The following CACNB2 variants were observed in gnomAD, a reference collection of about 807,000 sequenced individuals.
CACNB2 encodes the protein calcium voltage-gated channel auxiliary subunit beta 2.
A neutral mutation model predicts 73.3 loss-of-function variants in CACNB2; 42 were observed. The observed-to-expected ratio is 0.57, with a 90% confidence interval of 0.45 to 0.74. CACNB2 has a LOEUF of 0.74. Among genes scored for constraint, CACNB2 ranks in the 30% least tolerant of loss-of-function variants. CACNB2 has a pLI of 0.00. For missense variants in CACNB2, 940 were observed against 853.0 expected, an observed-to-expected ratio of 1.10 and a Z score of -1.27; for synonymous variants, 348 against 310.3, an observed-to-expected ratio of 1.12 and a Z score of -1.28.
At chr10:18,220,771 C>T (rs941056743) in intron 2 of CACNB2, among the ~76,000 whole-genome samples, 15 of 152,208 alleles carry the variant, frequency 9.9e-5, no homozygotes, top group Admixed American at 3.3e-4. Flanking sequence ...GTGAACTGCA[C>T]GTGTCAGGGA....
At chr10:18,524,309 A>G (rs1230016574) in intron 9 of CACNB2, among the ~76,000 whole-genome samples, 1 of 152,026 alleles carries the variant, frequency 6.6e-6, no homozygotes, top group Non-Finnish European at 1.5e-5. Flanking sequence ...GAATTGCTAC[A>G]GGGATAAATA....
intron 7 of CACNB2, 128 bp downstream of exon 7, chr10:18,514,497 C>T (rs780713990): frequency 4.3e-6 from 7 of 1,614,034 alleles, no homozygotes; most frequent in Non-Finnish European, 5.9e-6. Context: ...TGTTTCTTTT[C>T]CATGCTGCTG....
Position 18,539,742 on chromosome 10 carries a change from T to C in CACNB2, c.*18T>C, listed in dbSNP as rs777583393. On this transcript the variant is annotated 3_prime_UTR_variant, in exon 14 of 14. Transcript: ENST00000324631. The stretch of plus-strand genomic sequence containing the variant: ...GCCAATGAGTTTTGCCCGTTTGTGT[T>C]TTTTTTTTTTTTTTTTTGAAGTCTT... 22,793 of 323,586 alleles carry C rather than the reference T, an allele frequency of 0.07. 143 individuals are homozygous for C. Among genetic ancestry groups the C allele is most frequent in the Middle Eastern group, 0.12 (174 of 1,402 alleles). 20.0% of individuals were successfully genotyped at this position (323,586 alleles called of 1,614,324 possible).
At chr10:18,144,939 G>T (rs2030807042) in intron 1 of CACNB2, among the ~76,000 whole-genome samples, 1 of 152,158 alleles carries the variant, frequency 6.6e-6, no homozygotes, top group Admixed American at 6.5e-5. Flanking sequence ...GTGAAGGTTG[G>T]GTGAACGGGA....
At chr10:18,236,108 C>T (rs1383470918) in intron 2 of CACNB2, among the ~76,000 whole-genome samples, 1 of 152,128 alleles carries the variant, frequency 6.6e-6, no homozygotes, top group African/African-American at 2.4e-5. Context: ...AACCTCTTTC[C>T]TTTATAAATT....
At chr10:18,379,901 G>A (rs1298571280) in intron 2 of CACNB2, among the ~76,000 whole-genome samples, 1 of 152,078 alleles carries the variant, frequency 6.6e-6, no homozygotes, top group Non-Finnish European at 1.5e-5. Context: ...TACACAGGCT[G>A]GTCTCAGACT....
chr10:18,322,955 T>C (rs549035806), intron 2 of CACNB2, among the ~76,000 whole-genome samples: 11 of 147,412 alleles, frequency 7.5e-5, no homozygotes, highest in African/African-American at 2.7e-4. Flanking sequence ...TTTATGGTGA[T>C]ATTCTTTTTT....
Position 18,440,652 on chromosome 10 carries a change from A to C in CACNB2, c.333+38609A>C, listed in dbSNP as rs557631183. 8.7e-5 allele frequency among the ~76,000 whole-genome samples: 13 copies of C among 148,994 alleles called. No individual in the cohort carries two copies. The South Asian group carries it at 2.1e-3, about 25-fold the overall frequency. On this transcript the variant is annotated intron_variant, in intron 3 of 13. Coordinates refer to ENST00000324631, the MANE Select transcript of CACNB2 (RefSeq NM_201596.3). ...CAAGGCCCTATCCCCCACCCCCCAG[A>C]GAAAAGCTTCTGTGAAGGTGACATT...
chr10:18,380,509 C>T (rs1195613245), intron 2 of CACNB2, among the ~76,000 whole-genome samples: 1 of 136,076 alleles, frequency 7.3e-6, no homozygotes, highest in Non-Finnish European at 1.5e-5. Flanking sequence ...GGCTGGAGTG[C>T]AATGGTGCAA....
At position 18,279,289 on chromosome 10, in the gene CACNB2, A is replaced by G. The variant is rs140711537; in HGVS notation, c.214-122635A>G. On this transcript the variant is annotated intron_variant, in intron 2 of 13. Coordinates refer to ENST00000324631, the MANE Select transcript of CACNB2 (RefSeq NM_201596.3). ...TTCCTTTTTTCTCTACCTTTCCCCAATGATCACAGTCAGTAAGAGCCAGAA... is the reference window on the plus strand; with the variant it reads ...TTCCTTTTTTCTCTACCTTTCCCCAGTGATCACAGTCAGTAAGAGCCAGAA... Among the ~76,000 whole-genome samples, 60 of 152,256 alleles carry G rather than the reference A, an allele frequency of 3.9e-4. 1 individual carries two copies. In the East Asian group the frequency reaches 7.7e-3, roughly 20 times the overall value.
At chr10:18,307,449 A>G (rs2039778194) in intron 2 of CACNB2, among the ~76,000 whole-genome samples, 1 of 152,240 alleles carries the variant, frequency 6.6e-6, no homozygotes, top group South Asian at 2.1e-4. Flanking sequence ...GCAACAGAGC[A>G]GGACTCTGTC....
intron 2 of CACNB2, among the ~76,000 whole-genome samples, chr10:18,399,122 C>T (rs1192248772): frequency 1.3e-5 from 2 of 152,090 alleles, no homozygotes; most frequent in Non-Finnish European, 2.9e-5. Context: ...TGAGGTGTGA[C>T]TTGAACCTGT....
chr10:18,263,761 C>T (rs995833869), intron 2 of CACNB2, among the ~76,000 whole-genome samples: 7 of 152,178 alleles, frequency 4.6e-5, no homozygotes, highest in Admixed American at 6.5e-5. Flanking sequence ...AGGTTGCCTC[C>T]GCTCACTTGT....
chr10:18,491,819 TAAAAAAAAAAAAA>T (rs68179779), intron 3 of CACNB2, among the ~76,000 whole-genome samples: 662 of 65,620 alleles, frequency 0.01, 14 homozygotes, highest in African/African-American at 0.016. Flanking sequence ...TCAAGTTGGT[TAAAAAAAAAAAAA>T]AAAAAAAAAA....
intron 10 of CACNB2, among the ~76,000 whole-genome samples, chr10:18,530,816 TA>T (rs1190388040): frequency 1.3e-5 from 2 of 152,174 alleles, no homozygotes; most frequent in Admixed American, 1.3e-4. Context: ...CTCATTTCCG[TA>T]ATACAGATTA....
chr10:18,364,511 G>A (rs1318595240), intron 2 of CACNB2, among the ~76,000 whole-genome samples: 1 of 151,578 alleles, frequency 6.6e-6, no homozygotes, highest in Non-Finnish European at 1.5e-5. Flanking sequence ...TGTTAGCCAG[G>A]CTGGTCTCGA....
chr10:18,518,967 C>A lies in CACNB2; in HGVS notation c.943C>A (p.Arg315=). ...TTTTTTAAAACACAGATTTGAAGGG[C>A]GGTGAGTATTTCAGCATACTGGGTT... ...FDFLKHRFEG[R]ISITRVTADI... The change falls in exon 9 of 14, where the codon CGG becomes AGG. Residue 315 remains arginine, a splice_region_variant and synonymous_variant. Coordinates refer to ENST00000324631, the MANE Select transcript of CACNB2 (RefSeq NM_201596.3). The A allele has an allele frequency of 6.2e-7, 1 of 1,613,260 alleles. No individual in the cohort carries two copies.
chr10:18,424,122 CCCCAGGCTACCCTGATTCAGA>C (rs1290199344), intron 3 of CACNB2, among the ~76,000 whole-genome samples: 12 of 152,146 alleles, frequency 7.9e-5, no homozygotes, highest in African/African-American at 2.9e-4. Context: ...TGTTATCCTT[CCCCAGGCTACCCTGATTCAGA>C]GCAGAGATGC....
intron 3 of CACNB2, among the ~76,000 whole-genome samples, chr10:18,488,852 T>A (rs1371434796): frequency 6.6e-6 from 1 of 151,418 alleles, no homozygotes; most frequent in African/African-American, 2.4e-5. Context: ...GCACCAGCTC[T>A]AACGCTTATG....
Sources: allele counts gnomAD v4.1 joint callset (sites outside exome capture counted in the v4.1 genomes callset), GRCh38; gene constraint gnomAD v4.1.1; transcripts MANE v1.5; gene names NCBI Gene and HGNC (gene_info 2026-07-23, HGNC 2026-07-21).